UNC5D: variants seen among roughly 807,000 people sequenced by gnomAD.
The protein encoded by UNC5D is unc-5 netrin receptor D.
In UNC5D, 39 loss-of-function variants were observed where a neutral mutation model predicts 105.4. The observed-to-expected ratio is 0.37, with a 90% CI of 0.29 to 0.48. The LOEUF is 0.48. Ranked by LOEUF, UNC5D falls within the 20% of genes least tolerant of loss-of-function variation. The probability of loss-of-function intolerance (pLI) is 0.98; values close to 1 mark genes in which losing one functional copy is unlikely to be tolerated. For synonymous variants in UNC5D, 452 were observed against 450.4 expected (o/e 1.00, Z -0.04); for missense variants, 991 against 1,202.4 (o/e 0.82, Z 2.60).
chr8:35,506,689 CA>C (rs1812324658), intron 1 of UNC5D, among the ~76,000 whole-genome samples: 1 of 152,154 alleles, frequency 6.6e-6, no homozygotes, highest in Non-Finnish European at 1.5e-5. Flanking sequence ...TGGGTTGGGA[CA>C]TATATCTAGG....
At chr8:35,612,313 T>C (rs1820736357) in intron 4 of UNC5D, among the ~76,000 whole-genome samples, 1 of 152,208 alleles carries the variant, frequency 6.6e-6, no homozygotes, top group Admixed American at 6.5e-5. Flanking sequence ...AGCTTTGTCA[T>C]TGGCTGATCA....
intron 4 of UNC5D, among the ~76,000 whole-genome samples, chr8:35,621,085 T>C (rs1262292941): frequency 6.6e-6 from 1 of 152,184 alleles, no homozygotes; most frequent in African/African-American, 2.4e-5. Context: ...CATCCAGTTG[T>C]GACAACCAAA....
intron 7 of UNC5D, among the ~76,000 whole-genome samples, chr8:35,702,924 G>A (rs768777904): frequency 1.7e-4 from 26 of 152,050 alleles, no homozygotes; most frequent in Non-Finnish European, 2.8e-4. Context: ...AGAAGTGGCC[G>A]TTTGAATAAT....
At chr8:35,720,958 A>T (rs532826811) in intron 8 of UNC5D, among the ~76,000 whole-genome samples, 1 of 151,796 alleles carries the variant, frequency 6.6e-6, no homozygotes, top group East Asian at 1.9e-4. Flanking sequence ...GTAGCACCCT[A>T]TTTTACAGTC....
At chr8:35,407,407 T>A (rs1804875297) in intron 1 of UNC5D, among the ~76,000 whole-genome samples, 1 of 152,118 alleles carries the variant, frequency 6.6e-6, no homozygotes, top group Non-Finnish European at 1.5e-5. Flanking sequence ...TTTCTGGTCA[T>A]ATATTTTGCA....
At chr8:35,590,487 CTTAAT>C (rs1435330594) in intron 3 of UNC5D, among the ~76,000 whole-genome samples, 2 of 152,124 alleles carry the variant, frequency 1.3e-5, no homozygotes, top group African/African-American at 4.8e-5. Context: ...CCTTTTCCCA[CTTAAT>C]TTATGTGTCA....
At chr8:35,698,191 T>G in intron 7 of UNC5D, among the ~76,000 whole-genome samples, 1 of 152,208 alleles carries the variant, frequency 6.6e-6, no homozygotes, top group Admixed American at 6.5e-5. Flanking sequence ...TGTGCAATAG[T>G]TGCCACATCA....
chr8:35,330,025 A>G (rs1202870061), intron 1 of UNC5D, among the ~76,000 whole-genome samples: 2 of 152,178 alleles, frequency 1.3e-5, no homozygotes, highest in African/African-American at 4.8e-5. Context: ...CTGATTGTTC[A>G]CACTTACAAA....
At chr8:35,495,229 G>A (rs1442187408) in intron 1 of UNC5D, among the ~76,000 whole-genome samples, 1 of 152,112 alleles carries the variant, frequency 6.6e-6, no homozygotes. Context: ...CAGCAGCACA[G>A]GAATGAGATA....
At chr8:35,291,615 T>G (rs1807073346) in intron 1 of UNC5D, among the ~76,000 whole-genome samples, 1 of 152,208 alleles carries the variant, frequency 6.6e-6, no homozygotes, top group South Asian at 2.1e-4. Flanking sequence ...TTTCAGACAC[T>G]TCAGTAACTT....
intron 1 of UNC5D, among the ~76,000 whole-genome samples, chr8:35,395,182 A>C (rs1804021709): frequency 6.6e-6 from 1 of 152,230 alleles, no homozygotes; most frequent in Admixed American, 6.5e-5. Flanking sequence ...TTTTATTCAA[A>C]GCAGTATTAT....
intron 4 of UNC5D, among the ~76,000 whole-genome samples, chr8:35,663,350 C>A (rs1824226002): frequency 6.6e-6 from 1 of 152,162 alleles, no homozygotes. Context: ...ATTCAGGGTA[C>A]TCTAGAAAAA....
intron 1 of UNC5D, among the ~76,000 whole-genome samples, chr8:35,397,577 A>G (rs1804187359): frequency 2.0e-5 from 3 of 152,198 alleles, no homozygotes; most frequent in African/African-American, 4.8e-5. Flanking sequence ...AACATCATGC[A>G]TTGAGTAGGT....
Position 35,796,297 on chromosome 8 carries a change from G to C in UNC5D, c.*5734G>C, listed in dbSNP as rs1038686816. The C allele has an allele frequency of 2.6e-5, 4 of 151,788 alleles. No homozygotes were observed. The highest frequency in any genetic ancestry group is 4.4e-5 in the Non-Finnish European group (3 of 67,966). 9.4% of individuals were successfully genotyped at this position (151,788 alleles called of 1,614,324 possible). A position where few individuals can be genotyped will look rare whatever the true frequency, so the allele number is the denominator to read the frequency against. Reference sequence around the variant, plus strand: ...AACTTGGATGGACTTCTTAGAAAAGGCTGCACTGGCTTCTTTTTCAGCACA... The same window carrying C: ...AACTTGGATGGACTTCTTAGAAAAGCCTGCACTGGCTTCTTTTTCAGCACA... On this transcript the variant is annotated 3_prime_UTR_variant, in exon 17 of 17. Transcript: ENST00000404895.
chr8:35,559,991 A>G (rs1014202498), intron 2 of UNC5D, among the ~76,000 whole-genome samples: 5 of 152,240 alleles, frequency 3.3e-5, no homozygotes, highest in African/African-American at 7.2e-5. Flanking sequence ...GCAATTAGTC[A>G]TCTGCTGCCA....
chr8:35,532,281 T>G (rs1228899281), intron 1 of UNC5D, among the ~76,000 whole-genome samples: 6 of 151,858 alleles, frequency 4.0e-5, no homozygotes, highest in South Asian at 2.1e-4. Context: ...GTCTGTGAAG[T>G]ATTTTATTTC....
At chr8:35,382,210 A>G (rs930272899) in intron 1 of UNC5D, among the ~76,000 whole-genome samples, 3 of 152,214 alleles carry the variant, frequency 2.0e-5, no homozygotes, top group African/African-American at 2.4e-5. Context: ...AAATCTGTCA[A>G]TGTGAATTGA....
In UNC5D at chr8:35,375,582, T is replaced by C. The variant is rs76562812; in HGVS notation, c.103+139695T>C. Reference sequence around the variant, plus strand: ...TAGTAACAAATAAGATTAATGGTGTTGGCTTTACAATCTATATTTAATTTT... The same window carrying C: ...TAGTAACAAATAAGATTAATGGTGTCGGCTTTACAATCTATATTTAATTTT... On this transcript the variant is annotated intron_variant, in intron 1 of 16. Transcript: ENST00000404895. Among the ~76,000 whole-genome samples, 1,443 of 152,346 alleles carry C rather than the reference T, an allele frequency of 9.5e-3. 21 individuals carry two copies. The highest frequency in any genetic ancestry group is 0.032 in the African/African-American group (1,342 of 41,580).
At position 35,790,401 on chromosome 8, in the gene UNC5D, C is replaced by T. The variant is rs1238457836; in HGVS notation, c.2700C>T (p.Val900=). 5.0e-6 allele frequency: 8 copies of T among 1,613,780 alleles called. No individual in the cohort carries two copies. The highest frequency in any genetic ancestry group is 1.6e-4 in the Middle Eastern group (1 of 6,066). The change falls in exon 17 of 17, where the codon GTC becomes GTT. Residue 900 remains valine (V), a synonymous_variant. Coordinates refer to ENST00000404895, the MANE Select transcript of UNC5D (RefSeq NM_080872.4). ...YFATQSSPSA[V]ILNLWEARHQ... is the part of the protein sequence containing the mutation. ...CTACACAAAGTAGCCCATCTGCTGT[C>T]ATTTTGAACCTGTGGGAAGCTCGTC...
Sources: gnomAD v4.1 joint callset for allele counts (sites outside exome capture counted in the v4.1 genomes callset) on GRCh38, gnomAD v4.1.1 for gene constraint, MANE v1.5 for transcripts, NCBI Gene and HGNC (gene_info 2026-07-23, HGNC 2026-07-21) for gene names.